The following EPAS1 variants were observed in gnomAD, a reference collection of about 807,000 sequenced individuals.
EPAS1 encodes endothelial PAS domain protein 1, also known as endothelial PAS domain-containing protein 1.
EPAS1 carries 23 observed loss-of-function variants against 87.9 expected under a neutral mutation model. The ratio of observed to expected loss-of-function variants is 0.26; its 90% CI spans 0.19 to 0.37. EPAS1 has a LOEUF of 0.37. Ranked by LOEUF, EPAS1 falls within the 10% of genes least tolerant of loss-of-function variation. The pLI is 1.00. For missense variants in EPAS1, 1,138 were observed against 1,120.7 expected (o/e 1.02, Z -0.22); for synonymous variants, 508 against 444.3 (o/e 1.14, Z -1.80).
intron 1 of EPAS1, among the ~76,000 whole-genome samples, chr2:46,318,181 T>TACACACAC (rs59285248): frequency 0.38 from 57,919 of 150,522 alleles, 13,699 homozygotes; most frequent in Middle Eastern, 0.56. Context: ...GAGAGAGAGA[T>TACACACAC]ACACACACAC....
intron 1 of EPAS1, among the ~76,000 whole-genome samples, chr2:46,329,079 G>T (rs1483349538): frequency 6.6e-6 from 1 of 152,202 alleles, no homozygotes; most frequent in Non-Finnish European, 1.5e-5. Flanking sequence ...AAAGTCTTAA[G>T]AACTTGATAG....
At chr2:46,314,019 T>C (rs964185018) in intron 1 of EPAS1, among the ~76,000 whole-genome samples, 3 of 152,228 alleles carry the variant, frequency 2.0e-5, no homozygotes, top group African/African-American at 7.2e-5. Context: ...GAAGCTTTTG[T>C]CATTTTTGTC....
rs1346740215 is a variant in EPAS1, at chr2:46,351,482, A to G, written c.217+4419A>G. Among the ~76,000 whole-genome samples the G allele has an allele frequency of 4.6e-5, 7 of 152,266 alleles. No individual in the cohort carries two copies. The South Asian group carries it at 8.3e-4, about 18-fold the overall frequency. On this transcript the variant is annotated intron_variant, in intron 2 of 15. Coordinates refer to ENST00000263734, the MANE Select transcript of EPAS1 (RefSeq NM_001430.5). ...CCTGCTAATGGTGGCATTTAAAGGT[A>G]TGGCTAAGGATCCAGTAAGCGATCC...
intron 1 of EPAS1, among the ~76,000 whole-genome samples, chr2:46,305,677 T>C (rs1683098251): frequency 6.6e-6 from 1 of 151,770 alleles, no homozygotes; most frequent in Admixed American, 6.6e-5. Context: ...AAGTGGATTG[T>C]TAGAAGTGTC....
intron 8 of EPAS1, 130 bp from the exon 9 acceptor site, chr2:46,376,409 A>AGAC: frequency 1.2e-6 from 1 of 843,106 alleles, no homozygotes; most frequent in Admixed American, 1.7e-5. Flanking sequence ...GTTCTTTATA[A>AGAC]GACGCCAATG....
At chr2:46,356,371 T>A (rs1483845154) in intron 3 of EPAS1, 69 bp downstream of exon 3, 1 of 1,593,094 alleles carries the variant, frequency 6.3e-7, no homozygotes, top group African/African-American at 1.3e-5. Context: ...GAGTGGAAGG[T>A]GCTAGCCACA....
chr2:46,378,636 C>T (rs1558610811), intron 10 of EPAS1, 21 bp from the exon 11 acceptor site: 3 of 1,602,480 alleles, frequency 1.9e-6, no homozygotes, highest in Non-Finnish European at 2.6e-6. Flanking sequence ...TGACTCTGTC[C>T]CCCTCCTTCC....
chr2:46,313,642 G>A (rs2104843760), intron 1 of EPAS1, among the ~76,000 whole-genome samples: 1 of 152,198 alleles, frequency 6.6e-6, no homozygotes, highest in South Asian at 2.1e-4. Context: ...AGTAGAGATG[G>A]GGTTTCACCA....
chr2:46,349,154 G>A (rs561580956), intron 2 of EPAS1, among the ~76,000 whole-genome samples: 1 of 152,322 alleles, frequency 6.6e-6, no homozygotes, highest in Non-Finnish European at 1.5e-5. Flanking sequence ...GAAGGGAGAA[G>A]GTAGGGGAAC....
At position 46,375,719 on chromosome 2, in the gene EPAS1, C is replaced by G. The variant is rs1029012145; in HGVS notation, c.916C>G (p.Gln306Glu). 3.7e-6 allele frequency: 6 copies of G among 1,614,168 alleles called. No homozygotes were observed. Among genetic ancestry groups the G allele is most frequent in the Non-Finnish European group, 5.1e-6 (6 of 1,180,018 alleles). Residue 306 changes from glutamine to glutamate, a missense_variant, in exon 8 of 16, where the codon CAG (glutamine) becomes GAG (glutamate). By Grantham distance (29) the Gln-to-Glu change is conservative. Transcript: ENST00000263734. This position sits in a 1 kb window ranked among gnomAD's most constrained non-coding sequence, Gnocchi z 4.1. ...CACCAAGGGTCAGGTAGTAAGTGGC[C>G]AGTACCGGATGCTCGCAAAGCATGG... ...LCTKGQVVSG[Q>E]YRMLAKHGGY...
intron 1 of EPAS1, among the ~76,000 whole-genome samples, chr2:46,299,034 A>T: frequency 6.6e-6 from 1 of 152,332 alleles, no homozygotes; most frequent in East Asian, 1.9e-4. Flanking sequence ...GAGCCGCGGG[A>T]AACCAGCGGC....
rs367670779 is a variant in EPAS1 at position 46,384,703 on chromosome 2, C to T, written c.*43C>T. ...GGCAGCACCTCTGCCGACGCCGTCC[C>T]ACCAGCTTCACTCTCTCCGTCTGTT... On this transcript the variant is annotated 3_prime_UTR_variant, in exon 16 of 16. Transcript: ENST00000263734. 191 of 1,605,736 alleles carry T rather than the reference C, an allele frequency of 1.2e-4. 1 individual carries two copies. The highest frequency in any genetic ancestry group is 2.8e-5 in the Non-Finnish European group (33 of 1,177,594).
chr2:46,342,497 AC>A (rs1683932161), intron 1 of EPAS1, among the ~76,000 whole-genome samples: 1 of 152,170 alleles, frequency 6.6e-6, no homozygotes, highest in East Asian at 1.9e-4. Flanking sequence ...AAGCCATTTA[AC>A]CTTATAGGGT....
chr2:46,381,034 T>C (rs1249202512), intron 12 of EPAS1: 3 of 434,420 alleles, frequency 6.9e-6, no homozygotes, highest in Non-Finnish European at 1.3e-5. Flanking sequence ...ACACAGAAAA[T>C]TGAGTGATGA....
chr2:46,311,222 T>C (rs1683206909), intron 1 of EPAS1, among the ~76,000 whole-genome samples: 1 of 152,136 alleles, frequency 6.6e-6, no homozygotes, highest in Non-Finnish European at 1.5e-5. Context: ...AATCAATAAA[T>C]GCTTGTAAAA....
chr2:46,377,762 G>T, intron 9 of EPAS1, 132 bp from the exon 10 acceptor site: 7 of 1,472,660 alleles, frequency 4.8e-6, no homozygotes, highest in Non-Finnish European at 6.5e-6. Flanking sequence ...GCCCCAGGGT[G>T]TTGGGGGGGC....
In EPAS1 at chr2:46,297,508, A is replaced by G. The variant is rs1682903193; in HGVS notation, c.-404A>G. 1.1e-5 allele frequency: 3 copies of G among 282,944 alleles called. No individual in the cohort carries two copies. The highest frequency in any genetic ancestry group is 6.4e-5 in the South Asian group (2 of 31,048). 17.5% of individuals were successfully genotyped at this position (282,944 alleles called of 1,614,324 possible). A position where few individuals can be genotyped will look rare whatever the true frequency, so the allele number is the denominator to read the frequency against. ...ATCCTCGGCAGTGTCCTGAGACTGT[A>G]TGGTCAGCTCAGCCCGGCCTCCGAC... On this transcript the variant is annotated 5_prime_UTR_variant, in exon 1 of 16. The change abolishes an upstream ATG in the 5' untranslated region. Coordinates refer to ENST00000263734, the MANE Select transcript of EPAS1 (RefSeq NM_001430.5).
chr2:46,302,049 G>C (rs1683011044), intron 1 of EPAS1, among the ~76,000 whole-genome samples: 1 of 151,168 alleles, frequency 6.6e-6, no homozygotes, highest in South Asian at 2.1e-4. Flanking sequence ...GGGTTAGTTG[G>C]CATTTTCACT....
chr2:46,298,248 C>G (rs1419065935), intron 1 of EPAS1, among the ~76,000 whole-genome samples: 2 of 152,212 alleles, frequency 1.3e-5, no homozygotes, highest in African/African-American at 2.4e-5. Flanking sequence ...CCAGCCGCCC[C>G]GCAGCAGATT....
Sources: allele counts gnomAD v4.1 joint callset (sites outside exome capture counted in the v4.1 genomes callset), GRCh38; gene constraint gnomAD v4.1.1; non-coding constraint Gnocchi (gnomAD v3.1); transcripts MANE v1.5; gene names NCBI Gene and HGNC (gene_info 2026-07-23, HGNC 2026-07-21).